Variants in DCLRE1B observed in about 807,000 individuals in gnomAD.
DCLRE1B encodes the protein 5' exonuclease Apollo.
Under a neutral mutation model 19.8 loss-of-function variants are expected in DCLRE1B, and 6 were observed. The observed-to-expected ratio is 0.30, with a 90% CI of 0.17 to 0.60. DCLRE1B has a LOEUF of 0.60. Ranked by LOEUF, DCLRE1B falls within the 20% of genes least tolerant of loss-of-function variation. The pLI, the probability that DCLRE1B is intolerant of heterozygous loss-of-function variation, is 0.87. For synonymous variants in DCLRE1B, 258 were observed against 255.7 expected (o/e 1.01, Z -0.09); for missense variants, 622 against 654.2 (o/e 0.95, Z 0.54).
chr1:113,909,436 T>C (rs768329608), intron 3 of DCLRE1B, among the ~76,000 whole-genome samples: 45 of 152,148 alleles, frequency 3.0e-4, no homozygotes, highest in Non-Finnish European at 6.3e-4. Flanking sequence ...AATTTGTGAG[T>C]CTACAAAAGG....
chr1:113,907,243 G>C (rs534960663), intron 2 of DCLRE1B, 82 bp downstream of exon 2: 1 of 1,028,330 alleles, frequency 9.7e-7, no homozygotes, highest in Non-Finnish European at 1.3e-6. Flanking sequence ...TTAATGTATA[G>C]ACTGGGGCCT....
In DCLRE1B at chr1:113,905,604, C is replaced by A. The variant is rs1668875392; in HGVS notation, c.18C>A (p.Ile6=). 2 of 1,614,074 alleles carry A rather than the reference C, an allele frequency of 1.2e-6. No individual in the cohort carries two copies. Among genetic ancestry groups the A allele is most frequent in the Non-Finnish European group, 1.7e-6 (2 of 1,179,998 alleles). MNGVL[I]PHTPIAVDFW... ...CTACCACCATGAATGGGGTCCTGAT[C>A]CCCCATACGCCCATCGCAGTGGACT... Residue 6 remains isoleucine, a synonymous_variant, in exon 1 of 4, where the codon ATC becomes ATA. Transcript: ENST00000650450.
rs747132565 is a variant in DCLRE1B, at chr1:113,911,323, G to C, written c.731G>C (p.Arg244Pro). The C allele has an allele frequency of 2.5e-6, 4 of 1,614,098 alleles. No individual in the cohort carries two copies. Among genetic ancestry groups the C allele is most frequent in the Non-Finnish European group, 3.4e-6 (4 of 1,180,030 alleles). Residue 244 changes from arginine to proline, a missense_variant, in exon 4 of 4, where the codon CGT (arginine) becomes CCT (proline). Coordinates refer to ENST00000650450, the MANE Select transcript of DCLRE1B (RefSeq NM_022836.4). ...HMEICHSNML[R>P]WNQTHPTIAI... is the part of the protein sequence containing the mutation. ...GAGATCTGCCATTCCAACATGCTGC[G>C]TTGGAACCAGACCCACCCTACGATT... is the stretch of plus-strand genomic sequence containing the variant.
Position 113,908,145 on chromosome 1 carries a change from G to T in DCLRE1B, c.492G>T (p.Gln164His). The change falls in exon 3 of 4, where the codon CAG (glutamine) becomes CAT (histidine). Residue 164 changes from glutamine (Q) to histidine (H), a missense_variant. This residue lies in a region of DCLRE1B where 237 missense variants were observed against 223.8 expected (regional missense o/e 1.06). Transcript: ENST00000650450. ...CTTCCCGACAAGAAGCTGCCCACCA[G>T]ATTGTCCAGCTCATTCGAAAACACC... is the stretch of plus-strand genomic sequence containing the variant. ...VLPSRQEAAH[Q>H]IVQLIRKHPQ... 1 of 1,614,118 alleles carries T rather than the reference G, an allele frequency of 6.2e-7. No individual in the cohort carries two copies.
At chr1:113,907,656 T>G (rs1425738843) in intron 2 of DCLRE1B, among the ~76,000 whole-genome samples, 3 of 152,012 alleles carry the variant, frequency 2.0e-5, no homozygotes, top group Non-Finnish European at 4.4e-5. Flanking sequence ...TTACTATTAG[T>G]AGAGACGGGG....
chr1:113,904,836 G>C (rs372253721), upstream of DCLRE1B: 4 of 923,798 alleles, frequency 4.3e-6, no homozygotes, highest in East Asian at 2.5e-5. Context: ...CAAAAGGCGA[G>C]ATCTCGCCTC....
upstream of DCLRE1B, chr1:113,904,863 G>C (rs1003787500): frequency 9.5e-6 from 7 of 739,598 alleles, no homozygotes; most frequent in African/African-American, 1.0e-4. Context: ...GGCTTCCGTA[G>C]GGCCGGCACG....
At position 113,908,100 on chromosome 1, in the gene DCLRE1B, C is replaced by T. The variant is rs369389853; in HGVS notation, c.447C>T (p.Cys149=). 4.6e-5 allele frequency: 74 copies of T among 1,614,084 alleles called. No homozygotes were observed. Among genetic ancestry groups the T allele is most frequent in the Non-Finnish European group, 5.9e-5 (70 of 1,180,036 alleles). The change falls in exon 3 of 4, where the codon TGC becomes TGT. Residue 149 remains cysteine (C), a synonymous_variant. Coordinates refer to ENST00000650450, the MANE Select transcript of DCLRE1B (RefSeq NM_022836.4). ...IHTLYLDNTN[C]NPALVLPSRQ... is the part of the protein sequence containing the mutation. ...CTTTATACCTAGACAACACCAATTG[C>T]AATCCAGCCCTGGTTCTTCCTTCCC...
At position 113,911,416 on chromosome 1, in the gene DCLRE1B, A is replaced by T; in HGVS notation, c.824A>T (p.Asp275Val). 6.2e-7 allele frequency: 1 copy of T among 1,614,100 alleles called. No individual in the cohort carries two copies. Among genetic ancestry groups the T allele is most frequent in the Non-Finnish European group, 8.5e-7 (1 of 1,180,014 alleles). The change falls in exon 4 of 4, where the codon GAC (aspartate) becomes GTC (valine). Residue 275 changes from aspartate to valine, a missense_variant. This residue lies in a region of DCLRE1B where 382 missense variants were observed against 412.5 expected (regional missense o/e 0.93). Transcript: ENST00000650450. ...HPDIHVIPYSDHSSYSELRAF... is the reference protein window; with the variant it reads ...HPDIHVIPYSVHSSYSELRAF... ...GATATCCACGTCATCCCTTACTCTGACCATTCCTCTTACTCCGAGCTTCGT... is the reference window on the plus strand; with the variant it reads ...GATATCCACGTCATCCCTTACTCTGTCCATTCCTCTTACTCCGAGCTTCGT...
Position 113,905,549 on chromosome 1 carries a change from G to A in DCLRE1B, c.-38G>A, listed in dbSNP as rs1668869840. On this transcript the variant is annotated 5_prime_UTR_variant, in exon 1 of 4. The change creates a new upstream start codon in the 5' untranslated region. Coordinates refer to ENST00000650450, the MANE Select transcript of DCLRE1B (RefSeq NM_022836.4). ...AGCCTCACGCAGGAGCCCTGCCCCC[G>A]TGGAGAAGATCCCACTGGTGACTCC... 3 of 1,601,400 alleles carry A rather than the reference G, an allele frequency of 1.9e-6. No homozygotes were observed. The highest frequency in any genetic ancestry group is 2.6e-6 in the Non-Finnish European group (3 of 1,173,172).
chr1:113,907,201 GATGTTT>G, intron 2 of DCLRE1B, 40 bp downstream of exon 2: 22 of 245,230 alleles, frequency 9.0e-5, no homozygotes, highest in Non-Finnish European at 1.3e-4. Flanking sequence ...CTCCAGACTA[GATGTTT>G]TTTTTTTTTT....
At chr1:113,907,213 T>TTTTTTTTTG in intron 2 of DCLRE1B, 52 bp downstream of exon 2, 1 of 1,097,210 alleles carries the variant, frequency 9.1e-7, no homozygotes, top group Non-Finnish European at 1.2e-6. Context: ...TGTTTTTTTT[T>TTTTTTTTTG]TTTTTTTTTT....
intron 3 of DCLRE1B, among the ~76,000 whole-genome samples, chr1:113,909,515 G>A (rs1443360804): frequency 6.6e-6 from 1 of 152,152 alleles, no homozygotes; most frequent in African/African-American, 2.4e-5. Context: ...GTTTCAAAAT[G>A]AGACTAAACA....
intron 1 of DCLRE1B, 45 bp from the exon 2 acceptor site, chr1:113,906,951 C>A (rs367765703): frequency 6.9e-6 from 11 of 1,605,676 alleles, no homozygotes; most frequent in African/African-American, 5.4e-5. Flanking sequence ...GGGGAGGTAA[C>A]GGAGAGGAGT....
At position 113,908,182 on chromosome 1, in the gene DCLRE1B, A is replaced by C. The variant is rs1260103602; in HGVS notation, c.529A>C (p.Ile177Leu). The C allele has an allele frequency of 6.2e-7, 1 of 1,613,178 alleles. No individual in the cohort carries two copies. Among genetic ancestry groups the C allele is most frequent in the Non-Finnish European group, 8.5e-7 (1 of 1,179,690 alleles). Reference protein sequence around the residue: ...QLIRKHPQHNIKIGLYSLGKE... With the variant: ...QLIRKHPQHNLKIGLYSLGKE... ...CATTCGAAAACACCCACAACATAACATAAAGATTGGTGAGTTGTTTCCTTT... is the reference window on the plus strand; with the variant it reads ...CATTCGAAAACACCCACAACATAACCTAAAGATTGGTGAGTTGTTTCCTTT... The change falls in exon 3 of 4, where the codon ATA becomes CTA. Residue 177 changes from isoleucine to leucine, a missense_variant. Around this residue, in one of 3 missense-constraint regions of DCLRE1B, gnomAD observed 237 missense variants for 223.8 expected, o/e 1.06. Coordinates refer to ENST00000650450, the MANE Select transcript of DCLRE1B (RefSeq NM_022836.4).
At chr1:113,905,311 C>T (rs1271146748), upstream of DCLRE1B, 19 of 466,012 alleles carry the variant, frequency 4.1e-5, no homozygotes, top group Non-Finnish European at 6.1e-5. Flanking sequence ...GGCCTGTCTC[C>T]TCCCTGCAGC....
chr1:113,907,914 A>G, intron 2 of DCLRE1B, 95 bp from the exon 3 acceptor site: 1 of 1,380,952 alleles, frequency 7.2e-7, no homozygotes, highest in Non-Finnish European at 9.9e-7. Flanking sequence ...TTCACAGACT[A>G]GTAAGCAAAC....
chr1:113,911,462 G>A lies in DCLRE1B; in HGVS notation c.870G>A (p.Lys290=). ...SELRAFVAAL[K]PCQVVPIVSR... ...TTCGTGCCTTTGTCGCAGCACTGAA[G>A]CCTTGCCAGGTGGTGCCCATTGTAA... is the stretch of plus-strand genomic sequence containing the variant. The change falls in exon 4 of 4, where the codon AAG becomes AAA. Residue 290 remains lysine, a synonymous_variant. Coordinates refer to ENST00000650450, the MANE Select transcript of DCLRE1B (RefSeq NM_022836.4). 6.2e-7 allele frequency: 1 copy of A among 1,614,180 alleles called. No homozygotes were observed. The highest frequency in any genetic ancestry group is 8.5e-7 in the Non-Finnish European group (1 of 1,180,044).
chr1:113,911,852 G>A lies in DCLRE1B; in HGVS notation c.1260G>A (p.Lys420=). The A allele has an allele frequency of 6.2e-7, 1 of 1,614,260 alleles. No individual in the cohort carries two copies. The highest frequency in any genetic ancestry group is 8.5e-7 in the Non-Finnish European group (1 of 1,180,052). ...CAGTGCCTTTCTGTGAGTCTCAAAA[G>A]AGGGTGACTATGTTGACGGCCCCAC... is the stretch of plus-strand genomic sequence containing the variant. ...NKAVPFCESQ[K]RVTMLTAPLG... is the part of the protein sequence containing the mutation. The change falls in exon 4 of 4, where the codon AAG becomes AAA. Residue 420 remains lysine, a synonymous_variant. Coordinates refer to ENST00000650450, the MANE Select transcript of DCLRE1B (RefSeq NM_022836.4).
Sources: allele counts gnomAD v4.1 joint callset (sites outside exome capture counted in the v4.1 genomes callset), GRCh38; gene constraint gnomAD v4.1.1; regional missense constraint gnomAD v4.1.1; transcripts MANE v1.5; gene names NCBI Gene and HGNC (gene_info 2026-07-23, HGNC 2026-07-21).